The following COLQ variants were observed in gnomAD, a reference collection of about 807,000 sequenced individuals.
COLQ encodes collagen like tail subunit of asymmetric acetylcholinesterase.
In COLQ, 48 loss-of-function variants were observed where a neutral mutation model predicts 69.0. The observed-to-expected ratio is 0.70, with a 90% CI of 0.55 to 0.88. The LOEUF (loss-of-function observed/expected upper bound fraction) is 0.88. Among genes scored for constraint, COLQ ranks in the 40% least tolerant of loss-of-function variants. The probability of loss-of-function intolerance (pLI) is 0.00; values close to 1 mark genes in which losing one functional copy is unlikely to be tolerated. For synonymous variants in COLQ, 217 were observed against 211.2 expected, an observed-to-expected ratio of 1.03 and a Z score of -0.24; for missense variants, 618 against 594.6, an observed-to-expected ratio of 1.04 and a Z score of -0.41.
chr3:15,503,432 C>T (rs1051563649), intron 1 of COLQ, among the ~76,000 whole-genome samples: 5 of 152,152 alleles, frequency 3.3e-5, no homozygotes, highest in South Asian at 2.1e-4. Flanking sequence ...AGTGGAGCCA[C>T]GGGATGTAAA....
At chr3:15,499,881 G>A (rs769273557) in intron 1 of COLQ, among the ~76,000 whole-genome samples, 3 of 152,172 alleles carry the variant, frequency 2.0e-5, no homozygotes, top group Non-Finnish European at 4.4e-5. Context: ...CTTATAAAGT[G>A]GGCGTGCAAA....
At chr3:15,499,852 C>T (rs1013616964) in intron 1 of COLQ, among the ~76,000 whole-genome samples, 20 of 152,262 alleles carry the variant, frequency 1.3e-4, no homozygotes, top group African/African-American at 4.3e-4. Flanking sequence ...TTCATTCTTT[C>T]GGAGTCTAAG....
chr3:15,456,288 G>C (rs1409515844), intron 14 of COLQ, among the ~76,000 whole-genome samples, 172 bp downstream of exon 14: 1 of 152,148 alleles, frequency 6.6e-6, no homozygotes, highest in Non-Finnish European at 1.5e-5. Context: ...GAGTCAGGGT[G>C]GGGGAATGGA....
Position 15,479,008 on chromosome 3 carries a change from G to T in COLQ, c.367-5C>A. On this transcript the variant is annotated splice_region_variant and splice_polypyrimidine_tract_variant and intron_variant, in intron 4 of 16. Transcript: ENST00000383788. ...TCCTGGTCGGCCAAGCTCCCCCTAT[G>T]GATGGAGAAGACAGGTAAGGAGAGG... The T allele has an allele frequency of 6.2e-7, 1 of 1,614,172 alleles. No individual in the cohort carries two copies. Among genetic ancestry groups the T allele is most frequent in the Non-Finnish European group, 8.5e-7 (1 of 1,180,012 alleles).
intron 15 of COLQ, among the ~76,000 whole-genome samples, 195 bp downstream of exon 15, chr3:15,455,704 G>A (rs1275935050): frequency 6.6e-6 from 1 of 152,226 alleles, no homozygotes; most frequent in East Asian, 1.9e-4. Flanking sequence ...GAGGTGCTTG[G>A]GTGGTGGAAG....
At chr3:15,515,128 T>A (rs1225577072) in intron 1 of COLQ, among the ~76,000 whole-genome samples, 1 of 152,180 alleles carries the variant, frequency 6.6e-6, no homozygotes, top group Non-Finnish European at 1.5e-5. Flanking sequence ...ACTGGATAAG[T>A]TCTCAGAGAG....
At chr3:15,490,602 A>C (rs991701816) in intron 1 of COLQ, among the ~76,000 whole-genome samples, 1 of 152,242 alleles carries the variant, frequency 6.6e-6, no homozygotes, top group African/African-American at 2.4e-5. Flanking sequence ...GTTACTGCTG[A>C]ATAGTGTCCC....
chr3:15,461,732 T>G (rs986977547), intron 12 of COLQ, among the ~76,000 whole-genome samples: 2 of 152,114 alleles, frequency 1.3e-5, no homozygotes, highest in Non-Finnish European at 2.9e-5. Context: ...GATTCTTTTC[T>G]CTAAGGGGAG....
chr3:15,468,329 T>G (rs796584306), intron 11 of COLQ, among the ~76,000 whole-genome samples: 6 of 139,420 alleles, frequency 4.3e-5, no homozygotes, highest in African/African-American at 1.6e-4. Context: ...AAGTTTTTTT[T>G]TTTTTTTTTT....
chr3:15,454,658 T>G (rs1575460846), intron 15 of COLQ, among the ~76,000 whole-genome samples: 1 of 60,418 alleles, frequency 1.7e-5, no homozygotes, highest in Admixed American at 1.7e-4. Flanking sequence ...ACTGTTTTTT[T>G]TTTTTTTTTT....
Position 15,488,247 on chromosome 3 carries a change from T to C in COLQ, c.280A>G (p.Met94Val). Residue 94 changes from methionine to valine, a missense_variant, in exon 3 of 17, where the codon ATG becomes GTG. By Grantham distance (21) the Met-to-Val change is conservative. Transcript: ENST00000383788. ...CCAGGGGAGCCTAGCGAGCCTTGCA[T>C]GCACGGGGACTGCGAGGTCTCCAGT... is the stretch of plus-strand genomic sequence containing the variant. Reference protein sequence around the residue: ...LELETSQSPCMQGSLGSPGPP... With the variant: ...LELETSQSPCVQGSLGSPGPP... 1 of 1,613,570 alleles carries C rather than the reference T, an allele frequency of 6.2e-7. No homozygotes were observed. The highest frequency in any genetic ancestry group is 8.5e-7 in the Non-Finnish European group (1 of 1,180,030).
At chr3:15,469,427 C>A (rs777228790) in intron 11 of COLQ, among the ~76,000 whole-genome samples, 18 of 152,138 alleles carry the variant, frequency 1.2e-4, no homozygotes, top group Non-Finnish European at 2.1e-4. Flanking sequence ...TTATCTGAGC[C>A]TACTTTTAAG....
rs907644682 is a variant in COLQ, at chr3:15,450,883, T to C, written c.*761A>G. The C allele has an allele frequency of 6.6e-6, 1 of 152,654 alleles. No individual in the cohort carries two copies. The highest frequency in any genetic ancestry group is 6.5e-5 in the Admixed American group (1 of 15,312). The allele number at this position is 152,654 out of a possible 1,614,324, so 9.5% of individuals were successfully genotyped here. ...GACATTTTTGAGACAGGGGGCAAAG[T>C]GCAGAGAGAGCCAAGAGGTCAAGAT... On this transcript the variant is annotated 3_prime_UTR_variant, in exon 17 of 17. Coordinates refer to ENST00000383788, the MANE Select transcript of COLQ (RefSeq NM_005677.4).
chr3:15,490,933 A>G (rs1218328984), intron 1 of COLQ, among the ~76,000 whole-genome samples: 1 of 152,162 alleles, frequency 6.6e-6, no homozygotes, highest in Non-Finnish European at 1.5e-5. Context: ...AGTGATCTTT[A>G]AAGTTTCAGG....
chr3:15,452,703 G>A (rs530125518), intron 16 of COLQ, among the ~76,000 whole-genome samples: 1 of 152,302 alleles, frequency 6.6e-6, no homozygotes, highest in African/African-American at 2.4e-5. Flanking sequence ...AGGGAGAGGG[G>A]CACTGCACAC....
At chr3:15,498,715 T>G (rs1321172811) in intron 1 of COLQ, 2 of 1,541,882 alleles carry the variant, frequency 1.3e-6, no homozygotes, top group Non-Finnish European at 1.7e-6. Flanking sequence ...GGCCAATCCC[T>G]GCTTTGATGT....
At chr3:15,506,463 C>T (rs983289) in intron 1 of COLQ, among the ~76,000 whole-genome samples, 63,628 of 152,056 alleles carry the variant, frequency 0.42, 14,461 homozygotes, top group East Asian at 0.62. Context: ...TTATTACCAA[C>T]CATTACTTAG....
chr3:15,463,353 T>C (rs1376672943), intron 12 of COLQ, among the ~76,000 whole-genome samples: 2 of 151,570 alleles, frequency 1.3e-5, no homozygotes, highest in Non-Finnish European at 2.9e-5. Context: ...TTTTTTGTTT[T>C]TTGTTTTTTT....
chr3:15,498,545 A>T, intron 1 of COLQ: 1 of 1,552,036 alleles, frequency 6.4e-7, no homozygotes, highest in Non-Finnish European at 8.7e-7. Context: ...AGCAGTCCTG[A>T]AATGATGAGC....
Sources: gnomAD v4.1 joint callset for allele counts (sites outside exome capture counted in the v4.1 genomes callset) on GRCh38, gnomAD v4.1.1 for gene constraint, MANE v1.5 for transcripts, NCBI Gene and HGNC (gene_info 2026-07-23, HGNC 2026-07-21) for gene names.